Variants in SLC25A40 observed in about 807,000 individuals in gnomAD.
SLC25A40 encodes mitochondrial glutathione transporter SLC25A40.
In SLC25A40, 41 loss-of-function variants were observed where a neutral mutation model predicts 46.5. That is an observed-to-expected ratio of 0.88 (90% CI 0.69 to 1.14). SLC25A40 has a LOEUF of 1.14. Ranked by LOEUF, SLC25A40 falls within the 50% of genes most tolerant of loss-of-function variation. The pLI, the probability that SLC25A40 is intolerant of heterozygous loss-of-function variation, is 0.00. For synonymous variants in SLC25A40, 126 were observed against 127.5 expected, an observed-to-expected ratio of 0.99 and a Z score of 0.08; for missense variants, 386 against 393.6, an observed-to-expected ratio of 0.98 and a Z score of 0.16.
At chr7:87,862,799 G>A in intron 1 of SLC25A40, among the ~76,000 whole-genome samples, 1 of 152,148 alleles carries the variant, frequency 6.6e-6, no homozygotes, top group East Asian at 1.9e-4. Flanking sequence ...GAAGGTAAAA[G>A]GCAAGTCTCA....
At chr7:87,840,495 A>AC (rs1181198329) in intron 10 of SLC25A40, among the ~76,000 whole-genome samples, 1 of 151,818 alleles carries the variant, frequency 6.6e-6, no homozygotes, top group Non-Finnish European at 1.5e-5. Context: ...GACCACCACT[A>AC]CCTCAATGCC....
chr7:87,855,158 T>A, intron 4 of SLC25A40, among the ~76,000 whole-genome samples: 1 of 134,654 alleles, frequency 7.4e-6, no homozygotes, highest in Non-Finnish European at 1.6e-5. Flanking sequence ...TAAGACCCAG[T>A]CTCAAAAAAA....
rs143738689 is a variant in SLC25A40, at chr7:87,873,049, T to G, written c.-94+3047A>C. On this transcript the variant is annotated intron_variant, in intron 1 of 11. Coordinates refer to ENST00000341119, the MANE Select transcript of SLC25A40 (RefSeq NM_018843.4). ...CCAATTCACCAGGATAGTGAGACTA[T>G]GAAATGTGAAAATTAATAAAAATAG... 2.1e-3 allele frequency among the ~76,000 whole-genome samples: 325 copies of G among 152,310 alleles called. 1 individual carries two copies. Among genetic ancestry groups the G allele is most frequent in the Middle Eastern group, 6.8e-3 (2 of 294 alleles).
intron 4 of SLC25A40, 34 bp from the exon 5 acceptor site, chr7:87,854,344 C>T: frequency 8.2e-7 from 1 of 1,226,118 alleles, no homozygotes; most frequent in African/African-American, 1.5e-5. Context: ...CAACAATTAC[C>T]TCACATAACT....
rs1838227945 is a variant in SLC25A40 at position 87,834,056 on chromosome 7, T to A, written c.*2193A>T. ...CAATTAAATGTTTATGTTAGAAAATTTAACATTAATAGAATAAAAACTGTT... is the reference window on the plus strand; with the variant it reads ...CAATTAAATGTTTATGTTAGAAAATATAACATTAATAGAATAAAAACTGTT... On this transcript the variant is annotated 3_prime_UTR_variant, in exon 12 of 12. Coordinates refer to ENST00000341119, the MANE Select transcript of SLC25A40 (RefSeq NM_018843.4). 1 of 151,916 alleles carries A rather than the reference T, an allele frequency of 6.6e-6. No homozygotes were observed. Among genetic ancestry groups the A allele is most frequent in the Non-Finnish European group, 1.5e-5 (1 of 67,906 alleles). 9.4% of individuals were successfully genotyped at this position (151,916 alleles called of 1,614,324 possible).
At chr7:87,860,887 C>T (rs959816885) in intron 1 of SLC25A40, among the ~76,000 whole-genome samples, 20 of 152,116 alleles carry the variant, frequency 1.3e-4, no homozygotes, top group African/African-American at 4.6e-4. Context: ...AATAAGCAAA[C>T]GACTCTAGAG....
At chr7:87,870,407 G>C (rs1838879119) in intron 1 of SLC25A40, among the ~76,000 whole-genome samples, 1 of 152,124 alleles carries the variant, frequency 6.6e-6, no homozygotes. Context: ...CACTAAAGCA[G>C]ACTCTGCTTT....
rs118008757 is a variant in SLC25A40, at chr7:87,862,227, C to T, written c.-93-1587G>A. ...TGTCCCTTTTTAGGGAGGACACATT[C>T]TACTGGGAGAACTCACTCTAACAAA... On this transcript the variant is annotated intron_variant, in intron 1 of 11. Transcript: ENST00000341119. Among the ~76,000 whole-genome samples, 38 of 152,268 alleles carry T rather than the reference C, an allele frequency of 2.5e-4. No individual in the cohort carries two copies. The East Asian group carries it at 6.8e-3, about 27-fold the overall frequency.
In SLC25A40 at chr7:87,836,423, T is replaced by G. The variant is rs371373274; in HGVS notation, c.905-62A>C. 2.3e-5 allele frequency: 25 copies of G among 1,079,416 alleles called. No homozygotes were observed. The East Asian group carries it at 4.2e-4, about 18-fold the overall frequency. The allele number at this position is 1,079,416 out of a possible 1,614,324, so 66.9% of individuals were successfully genotyped here. ...TTTTCTTACCTTATTTTTAAAAATA[T>G]TATTTTTTGGCTTTATTCTGATAAT... On this transcript the variant is annotated intron_variant, in intron 11 of 11. Transcript: ENST00000341119.
At chr7:87,862,585 T>A (rs949982113) in intron 1 of SLC25A40, among the ~76,000 whole-genome samples, 7 of 152,224 alleles carry the variant, frequency 4.6e-5, no homozygotes, top group African/African-American at 1.7e-4. Context: ...CAGAACACTA[T>A]CTCCTCAGTA....
chr7:87,860,316 T>C (rs1184838724), intron 2 of SLC25A40: 1 of 152,216 alleles, frequency 6.6e-6, no homozygotes, highest in Non-Finnish European at 1.5e-5. Flanking sequence ...CCATGACTTA[T>C]CAAATTCTCT....
Position 87,834,105 on chromosome 7 carries a change from G to C in SLC25A40, c.*2144C>G. ...TTTTAGAAACATCACCAAGAACACTGTTGTGGCACATGTTTGCAAATATTG... is the reference window on the plus strand; with the variant it reads ...TTTTAGAAACATCACCAAGAACACTCTTGTGGCACATGTTTGCAAATATTG... On this transcript the variant is annotated 3_prime_UTR_variant, in exon 12 of 12. Coordinates refer to ENST00000341119, the MANE Select transcript of SLC25A40 (RefSeq NM_018843.4). 6.6e-6 allele frequency: 1 copy of C among 151,776 alleles called. No individual in the cohort carries two copies. The highest frequency in any genetic ancestry group is 1.9e-4 in the East Asian group (1 of 5,192). 9.4% of individuals were successfully genotyped at this position (151,776 alleles called of 1,614,324 possible).
At chr7:87,866,981 C>T (rs111242206) in intron 1 of SLC25A40, among the ~76,000 whole-genome samples, 5 of 152,140 alleles carry the variant, frequency 3.3e-5, no homozygotes, top group East Asian at 1.9e-4. Context: ...CCCCTGGATG[C>T]GCCTTTTAAG....
chr7:87,850,020 A>G, intron 5 of SLC25A40, 72 bp from the exon 6 acceptor site: 1 of 924,150 alleles, frequency 1.1e-6, no homozygotes, highest in South Asian at 1.8e-5. Flanking sequence ...TATACTGATG[A>G]TTGGTAATTT....
At chr7:87,850,487 C>T (rs926246038) in intron 5 of SLC25A40, among the ~76,000 whole-genome samples, 2 of 152,100 alleles carry the variant, frequency 1.3e-5, no homozygotes, top group African/African-American at 4.8e-5. Flanking sequence ...ACACGAAAAA[C>T]TGTTTGGCTG....
Position 87,836,826 on chromosome 7 carries a change from A to T in SLC25A40, c.824-16T>A. On this transcript the variant is annotated splice_polypyrimidine_tract_variant and intron_variant, in intron 10 of 11. Transcript: ENST00000341119. The stretch of plus-strand genomic sequence containing the variant: ...GGCATAGAAACTAAATGTTAAAATA[A>T]AGAAATAATGCTATTATAAATAACA... The T allele has an allele frequency of 7.2e-7, 1 of 1,388,988 alleles. No individual in the cohort carries two copies. Among genetic ancestry groups the T allele is most frequent in the Non-Finnish European group, 9.7e-7 (1 of 1,027,452 alleles). 86.0% of individuals were successfully genotyped at this position (1,388,988 alleles called of 1,614,324 possible). A position where few individuals can be genotyped will look rare whatever the true frequency, so the allele number is the denominator to read the frequency against.
chr7:87,843,716 A>AT (rs1838369509), intron 9 of SLC25A40, 38 bp downstream of exon 9: 1 of 1,478,122 alleles, frequency 6.8e-7, no homozygotes, highest in Admixed American at 1.8e-5. Context: ...TACAACAATT[A>AT]TTCTTCTGGA....
At chr7:87,868,362 T>C (rs1001465452) in intron 1 of SLC25A40, among the ~76,000 whole-genome samples, 15 of 151,706 alleles carry the variant, frequency 9.9e-5, no homozygotes, top group African/African-American at 3.2e-4. Flanking sequence ...GGGTGAGGAG[T>C]TCCCCCTACC....
At chr7:87,854,040 A>G (rs923577097) in intron 5 of SLC25A40, among the ~76,000 whole-genome samples, 164 bp downstream of exon 5, 3 of 152,186 alleles carry the variant, frequency 2.0e-5, no homozygotes, top group South Asian at 2.1e-4. Flanking sequence ...TTTTTTACAC[A>G]AAACCATGAA....
Sources: gnomAD v4.1 joint callset for allele counts (sites outside exome capture counted in the v4.1 genomes callset) on GRCh38, gnomAD v4.1.1 for gene constraint, MANE v1.5 for transcripts, NCBI Gene and HGNC (gene_info 2026-07-23, HGNC 2026-07-21) for gene names.